The following ANKFN1 variants were observed in gnomAD, a reference collection of about 807,000 sequenced individuals.
ANKFN1 encodes the protein ankyrin repeat and fibronectin type-III domain-containing protein 1.
Under a neutral mutation model 108.7 loss-of-function variants are expected in ANKFN1, and 74 were observed. The ratio of observed to expected loss-of-function variants is 0.68; its 90% CI spans 0.56 to 0.83. ANKFN1 has a LOEUF of 0.83. ANKFN1 is among the 40% of genes least tolerant of loss of function. The probability of loss-of-function intolerance (pLI) is 0.00; values close to 1 mark genes in which losing one functional copy is unlikely to be tolerated. For missense variants in ANKFN1, 1,505 were observed against 1,382.3 expected (o/e 1.09, Z -1.41); for synonymous variants, 547 against 516.2 (o/e 1.06, Z -0.81).
chr17:56,112,013 AG>A (rs1331446506), intron 4 of ANKFN1, among the ~76,000 whole-genome samples: 1 of 152,216 alleles, frequency 6.6e-6, no homozygotes, highest in Non-Finnish European at 1.5e-5. Flanking sequence ...AAAATTCTCA[AG>A]GGGCTAGCTA....
intron 3 of ANKFN1, among the ~76,000 whole-genome samples, chr17:56,253,647 G>A (rs1021034154): frequency 6.6e-6 from 1 of 152,194 alleles, no homozygotes; most frequent in African/African-American, 2.4e-5. Context: ...CAAGGCACGA[G>A]AGAATCACTT....
At chr17:56,126,307 T>C (rs935847353) in intron 4 of ANKFN1, among the ~76,000 whole-genome samples, 1 of 152,214 alleles carries the variant, frequency 6.6e-6, no homozygotes, top group Non-Finnish European at 1.5e-5. Flanking sequence ...GGGCTATTTC[T>C]TGAAAGATTC....
chr17:56,512,356 C>T lies in ANKFN1; in HGVS notation c.*1087C>T, dbSNP rs1249106005. 6.6e-6 allele frequency among the ~76,000 whole-genome samples: 1 copy of T among 152,170 alleles called. No individual in the cohort carries two copies. Among genetic ancestry groups the T allele is most frequent in the African/African-American group, 2.4e-5 (1 of 41,450 alleles). ...AGATTGTCCAGGGCTAGGGTGGCTG[C>T]CTTTCCCTTTCAACCTACCTCTCCT... On this transcript the variant is annotated 3_prime_UTR_variant, in exon 21 of 21. Transcript: ENST00000682825.
chr17:56,476,576 G>T (rs1009813808), intron 15 of ANKFN1, among the ~76,000 whole-genome samples: 1 of 152,206 alleles, frequency 6.6e-6, no homozygotes, highest in Non-Finnish European at 1.5e-5. Context: ...ACAGAATTCA[G>T]TGAAGCTGAT....
chr17:56,431,095 T>C (rs2048739485), intron 8 of ANKFN1, among the ~76,000 whole-genome samples: 1 of 152,114 alleles, frequency 6.6e-6, no homozygotes, highest in African/African-American at 2.4e-5. Flanking sequence ...ACAAAACAAG[T>C]AAGCATGATA....
At chr17:56,390,349 C>A (rs57954524) in intron 8 of ANKFN1, among the ~76,000 whole-genome samples, 2,180 of 152,270 alleles carry the variant, frequency 0.014, 46 homozygotes, top group African/African-American at 0.05. Context: ...CATCCAGGTT[C>A]ACCCATGTCC....
intron 1 of ANKFN1, among the ~76,000 whole-genome samples, chr17:56,200,099 A>G (rs1444930555): frequency 6.6e-6 from 1 of 152,200 alleles, no homozygotes; most frequent in Non-Finnish European, 1.5e-5. Flanking sequence ...CAGATCATCA[A>G]CTCTTGAGTA....
intron 4 of ANKFN1, among the ~76,000 whole-genome samples, chr17:56,068,963 T>A (rs1251734631): frequency 6.6e-6 from 1 of 152,210 alleles, no homozygotes; most frequent in Non-Finnish European, 1.5e-5. Context: ...ATGAATTAGA[T>A]ATATAGAATT....
chr17:56,486,339 C>T (rs1598706103), intron 18 of ANKFN1, among the ~76,000 whole-genome samples: 1 of 152,050 alleles, frequency 6.6e-6, no homozygotes, highest in East Asian at 1.9e-4. Flanking sequence ...TTTTAGGGAC[C>T]GGAGGAAATG....
chr17:56,174,191 A>G, intron 1 of ANKFN1: 1 of 985,582 alleles, frequency 1.0e-6, no homozygotes, highest in Non-Finnish European at 1.2e-6. Context: ...TGGGCTGGCC[A>G]CAGAGCCAGA....
chr17:56,154,642 C>CAAAAAA (rs60522690), intron 1 of ANKFN1, among the ~76,000 whole-genome samples: 1 of 134,066 alleles, frequency 7.5e-6, no homozygotes. Flanking sequence ...ATGCCAACAC[C>CAAAAAA]AAAAAAAAAA....
chr17:56,186,568 A>T (rs983267088), intron 1 of ANKFN1, among the ~76,000 whole-genome samples: 6 of 152,222 alleles, frequency 3.9e-5, no homozygotes, highest in Admixed American at 1.3e-4. Context: ...TCGTAGCAAA[A>T]ATCTCTAAGG....
At chr17:56,502,827 C>G (rs185977721) in intron 20 of ANKFN1, among the ~76,000 whole-genome samples, 20 of 152,310 alleles carry the variant, frequency 1.3e-4, no homozygotes, top group Admixed American at 2.6e-4. Context: ...CCTCTGATGC[C>G]AGCCCAAGAT....
Position 56,440,334 on chromosome 17 carries a change from G to C in ANKFN1, c.918G>C (p.Trp306Cys), listed in dbSNP as rs1357754221. Residue 306 changes from tryptophan (W) to cysteine (C), a missense_variant, in exon 9 of 21, where the codon TGG becomes TGC. By Grantham distance (215) the Trp-to-Cys change is radical. Coordinates refer to ENST00000682825, the MANE Select transcript of ANKFN1 (RefSeq NM_001370326.1). ...CCCCCCTACTCCCTCCAGTGGAATG[G>C]AGTATGTCCGAAGACTTTTCTCCTT... Reference protein sequence around the residue: ...AAVVTRYKVEWSMSEDFSPLA... With the variant: ...AAVVTRYKVECSMSEDFSPLA... 1 of 1,609,780 alleles carries C rather than the reference G, an allele frequency of 6.2e-7. No homozygotes were observed. Among genetic ancestry groups the C allele is most frequent in the Non-Finnish European group, 8.5e-7 (1 of 1,177,078 alleles).
At chr17:56,415,032 A>G (rs568860126) in intron 8 of ANKFN1, among the ~76,000 whole-genome samples, 1 of 152,214 alleles carries the variant, frequency 6.6e-6, no homozygotes, top group African/African-American at 2.4e-5. Flanking sequence ...AAAAAGAAAA[A>G]AAAACCCTCA....
intron 6 of ANKFN1, among the ~76,000 whole-genome samples, chr17:56,361,644 T>C (rs541898028): frequency 3.0e-4 from 45 of 152,194 alleles, no homozygotes; most frequent in African/African-American, 1.1e-3. Flanking sequence ...AAATAGTAAA[T>C]GTTTGTCTCA....
Position 56,398,584 on chromosome 17 carries a change from A to T in ANKFN1, c.910+23870A>T, listed in dbSNP as rs887763079. On this transcript the variant is annotated intron_variant, in intron 8 of 20. Transcript: ENST00000682825. Reference sequence around the variant, plus strand: ...ATCCAAAAGTTAAATAAAGCTGATGATCCTGCATAAATTTAGTATTCAATA... The same window carrying T: ...ATCCAAAAGTTAAATAAAGCTGATGTTCCTGCATAAATTTAGTATTCAATA... 3.3e-5 allele frequency among the ~76,000 whole-genome samples: 5 copies of T among 152,284 alleles called. No homozygotes were observed. In the East Asian group the frequency reaches 9.6e-4, roughly 29 times the overall value.
chr17:56,381,851 GA>G (rs1419193381), intron 8 of ANKFN1, among the ~76,000 whole-genome samples: 1 of 152,160 alleles, frequency 6.6e-6, no homozygotes, highest in African/African-American at 2.4e-5. Flanking sequence ...AACCAAGTTG[GA>G]AAACACTCTG....
intron 4 of ANKFN1, among the ~76,000 whole-genome samples, chr17:56,059,227 T>C (rs751428796): frequency 2.6e-5 from 4 of 152,244 alleles, no homozygotes; most frequent in African/African-American, 4.8e-5. Context: ...GCCATGTAAA[T>C]GTCTTCTTTG....
Sources: gnomAD v4.1 joint callset for allele counts (sites outside exome capture counted in the v4.1 genomes callset) on GRCh38, gnomAD v4.1.1 for gene constraint, MANE v1.5 for transcripts, NCBI Gene and HGNC (gene_info 2026-07-23, HGNC 2026-07-21) for gene names.